The following REDIC1 variants were observed in gnomAD, a reference collection of about 807,000 sequenced individuals.
REDIC1 encodes the protein regulator of DNA class I crossover intermediates 1.
the REDIC1 span, among the ~76,000 whole-genome samples, chr12:39,812,754 G>C: frequency 1.3e-5 from 2 of 150,466 alleles, no homozygotes; most frequent in Admixed American, 1.3e-4. Context: ...TTACGGGCGT[G>C]AGTCATTGCA....
chr12:39,690,644 A>G, the REDIC1 span, among the ~76,000 whole-genome samples: 1 of 152,210 alleles, frequency 6.6e-6, no homozygotes, highest in East Asian at 1.9e-4. Flanking sequence ...TATAGGTTAT[A>G]AGCAACGTAT....
At chr12:39,745,263 T>C in the REDIC1 span, among the ~76,000 whole-genome samples, 1 of 152,192 alleles carries the variant, frequency 6.6e-6, no homozygotes, top group Admixed American at 6.5e-5. Context: ...CCAGTGACCC[T>C]GCAGGAAGAA....
At chr12:39,788,053 T>C in the REDIC1 span, among the ~76,000 whole-genome samples, 1 of 152,160 alleles carries the variant, frequency 6.6e-6, no homozygotes, top group African/African-American at 2.4e-5. Flanking sequence ...AACAATATTC[T>C]ATTACTCATA....
chr12:39,679,081 A>T, the REDIC1 span, among the ~76,000 whole-genome samples: 55 of 152,116 alleles, frequency 3.6e-4, no homozygotes, highest in Non-Finnish European at 7.2e-4. Flanking sequence ...TCAACATAGT[A>T]CTGGAAGTCC....
chr12:39,675,793 T>C, the REDIC1 span, among the ~76,000 whole-genome samples: 1 of 152,172 alleles, frequency 6.6e-6, no homozygotes, highest in Non-Finnish European at 1.5e-5. Context: ...CAGGACTCTT[T>C]GTAGACATTA....
chr12:39,842,395 A>AT, the REDIC1 span, among the ~76,000 whole-genome samples: 1 of 152,002 alleles, frequency 6.6e-6, no homozygotes, highest in African/African-American at 2.4e-5. Flanking sequence ...CAAATCAGAT[A>AT]TTTTTTCTAC....
chr12:39,701,481 T>A, the REDIC1 span, among the ~76,000 whole-genome samples: 2 of 152,058 alleles, frequency 1.3e-5, no homozygotes, highest in Non-Finnish European at 1.5e-5. Context: ...CTCCCACACA[T>A]TAATAATGGG....
At chr12:39,710,830 T>G in the REDIC1 span, among the ~76,000 whole-genome samples, 1 of 151,782 alleles carries the variant, frequency 6.6e-6, no homozygotes, top group Non-Finnish European at 1.5e-5. Flanking sequence ...CATGTGTCTC[T>G]AATAACTATC....
At chr12:39,632,739 A>G in the REDIC1 span, among the ~76,000 whole-genome samples, 2 of 152,166 alleles carry the variant, frequency 1.3e-5, no homozygotes, top group African/African-American at 4.8e-5. Flanking sequence ...CTTCTAAGCT[A>G]CAAACCTATA....
chr12:39,692,073 T>G, the REDIC1 span: 290 of 1,580,254 alleles, frequency 1.8e-4, no homozygotes, highest in African/African-American at 3.5e-3. Context: ...AGGAGGAATA[T>G]ATTCTTTAAA....
At chr12:39,675,520 G>A in the REDIC1 span, among the ~76,000 whole-genome samples, 1 of 152,158 alleles carries the variant, frequency 6.6e-6, no homozygotes, top group Non-Finnish European at 1.5e-5. Flanking sequence ...GTCCATTATA[G>A]CAACTCAGAA....
chr12:39,816,520 G>A, the REDIC1 span, among the ~76,000 whole-genome samples: 1 of 151,594 alleles, frequency 6.6e-6, no homozygotes, highest in African/African-American at 2.4e-5. Context: ...CATGGCACAT[G>A]TATACATATG....
the REDIC1 span, among the ~76,000 whole-genome samples, chr12:39,650,774 C>T: frequency 2.0e-5 from 3 of 152,140 alleles, no homozygotes; most frequent in Non-Finnish European, 4.4e-5. This position sits in a 1 kb window ranked among gnomAD's most constrained non-coding sequence, Gnocchi z 4.3. Flanking sequence ...TGGGGTTTCA[C>T]CTTGTTGGCC....
the REDIC1 span, among the ~76,000 whole-genome samples, chr12:39,712,945 A>G: frequency 6.9e-6 from 1 of 145,892 alleles, no homozygotes. Flanking sequence ...ATATACGTGT[A>G]TATACATATA....
chr12:39,713,524 A>G, the REDIC1 span, among the ~76,000 whole-genome samples: 4 of 149,674 alleles, frequency 2.7e-5, no homozygotes, highest in South Asian at 2.1e-4. Flanking sequence ...GCGTGCATAC[A>G]TGTGTACACG....
At chr12:39,684,569 G>A in the REDIC1 span, among the ~76,000 whole-genome samples, 1 of 152,144 alleles carries the variant, frequency 6.6e-6, no homozygotes, top group Non-Finnish European at 1.5e-5. Context: ...ATTTATGAGT[G>A]AAAAAATCAT....
At chr12:39,863,901 G>C in the REDIC1 span, among the ~76,000 whole-genome samples, 1 of 152,150 alleles carries the variant, frequency 6.6e-6, no homozygotes, top group Non-Finnish European at 1.5e-5. Context: ...ATTTCATATA[G>C]GGTTGTATGA....
chr12:39,753,315 T>C, the REDIC1 span, among the ~76,000 whole-genome samples: 1 of 152,140 alleles, frequency 6.6e-6, no homozygotes, highest in South Asian at 2.1e-4. Context: ...AATGTCACGG[T>C]TTTTGTTTGA....
At chr12:39,792,841 T>A in the REDIC1 span, among the ~76,000 whole-genome samples, 2 of 151,948 alleles carry the variant, frequency 1.3e-5, no homozygotes, top group East Asian at 3.8e-4. Flanking sequence ...ACCACGCAGT[T>A]CAAACCGATA....
Sources: allele counts gnomAD v4.1 joint callset (sites outside exome capture counted in the v4.1 genomes callset), GRCh38; gene constraint gnomAD v4.1.1; non-coding constraint Gnocchi (gnomAD v3.1); transcripts MANE v1.5; gene names NCBI Gene and HGNC (gene_info 2026-07-23, HGNC 2026-07-21).